The following TRPM8 variants were observed in gnomAD, a reference collection of about 807,000 sequenced individuals.
TRPM8 encodes the protein transient receptor potential cation channel subfamily M member 8.
TRPM8 carries 110 observed loss-of-function variants against 133.7 expected under a neutral mutation model. The ratio of observed to expected loss-of-function variants is 0.82; its 90% CI spans 0.70 to 0.96. TRPM8 has a LOEUF of 0.96. Among genes scored for constraint, TRPM8 ranks in the 40% least tolerant of loss-of-function variants. The probability of loss-of-function intolerance (pLI) is 0.00; values close to 1 mark genes in which losing one functional copy is unlikely to be tolerated. For synonymous variants in TRPM8, 535 were observed against 532.3 expected, an observed-to-expected ratio of 1.01 and a Z score of -0.07; for missense variants, 1,291 against 1,379.5, an observed-to-expected ratio of 0.94 and a Z score of 1.02.
At chr2:233,992,214 C>CT (rs967888976) in intron 21 of TRPM8, among the ~76,000 whole-genome samples, 5 of 150,934 alleles carry the variant, frequency 3.3e-5, no homozygotes, top group South Asian at 2.1e-4. Flanking sequence ...AATTACTTTT[C>CT]TTTTTTTTTC....
chr2:233,996,287 C>T (rs201002792), intron 21 of TRPM8, 39 bp from the exon 22 acceptor site: 254 of 1,593,384 alleles, frequency 1.6e-4, no homozygotes, highest in Admixed American at 1.0e-3. Flanking sequence ...ATGAGGCATG[C>T]GCAATGCTAA....
At chr2:233,976,477 C>T (rs549611103) in intron 17 of TRPM8, among the ~76,000 whole-genome samples, 3 of 152,106 alleles carry the variant, frequency 2.0e-5, no homozygotes, top group Admixed American at 2.0e-4. Context: ...TGGGAGTAGA[C>T]AGGGGCAGGT....
chr2:233,970,065 G>T (rs1691672381), intron 16 of TRPM8, 145 bp from the exon 17 acceptor site: 1 of 792,812 alleles, frequency 1.3e-6, no homozygotes, highest in Non-Finnish European at 2.2e-6. Flanking sequence ...TTTAATTGGG[G>T]TTGGTTCCAT....
In TRPM8 at chr2:233,985,688, G is replaced by T. The variant is rs767418913; in HGVS notation, c.2762G>T (p.Gly921Val). Reference sequence around the variant, plus strand: ...TGCCTGTTGGTTTCTACATCCTCAGGTACCACGTATGACTTTGCCCACTGC... The same window carrying T: ...TGCCTGTTGGTTTCTACATCCTCAGTTACCACGTATGACTTTGCCCACTGC... ...MFGQVPSDVDGTTYDFAHCTF... is the reference protein window; with the variant it reads ...MFGQVPSDVDVTTYDFAHCTF... Residue 921 changes from glycine to valine, a missense_variant and splice_region_variant, in exon 21 of 26, where the codon GGT becomes GTT. Coordinates refer to ENST00000324695, the MANE Select transcript of TRPM8 (RefSeq NM_024080.5). 16 of 1,613,300 alleles carry T rather than the reference G, an allele frequency of 9.9e-6. No homozygotes were observed. Among genetic ancestry groups the T allele is most frequent in the Non-Finnish European group, 1.4e-5 (16 of 1,179,550 alleles).
chr2:233,953,735 G>A (rs998571308), intron 9 of TRPM8, 182 bp from the exon 10 acceptor site: 35 of 515,776 alleles, frequency 6.8e-5, no homozygotes, highest in African/African-American at 4.1e-4. Context: ...TTTTTGATAC[G>A]TGTATAACCA....
At chr2:233,930,598 A>G in intron 2 of TRPM8, 70 bp from the exon 3 acceptor site, 2 of 1,012,078 alleles carry the variant, frequency 2.0e-6, no homozygotes, top group Middle Eastern at 2.1e-4. Flanking sequence ...CATCATATTT[A>G]GTATTCATCA....
chr2:234,007,088 C>T (rs189210837), intron 23 of TRPM8, 136 bp downstream of exon 23: 381 of 615,432 alleles, frequency 6.2e-4, no homozygotes, highest in East Asian at 1.2e-4. Flanking sequence ...AGATATTACC[C>T]GGGCAATTGA....
At position 233,942,834 on chromosome 2, in the gene TRPM8, T is replaced by C. The variant is rs1419976507; in HGVS notation, c.699+86T>C. 2.6e-6 allele frequency: 4 copies of C among 1,522,406 alleles called. No individual in the cohort carries two copies. In the Admixed American group the frequency reaches 6.7e-5, roughly 25 times the overall value. 94.3% of individuals were successfully genotyped at this position (1,522,406 alleles called of 1,614,324 possible). On this transcript the variant is annotated intron_variant, in intron 6 of 25. Transcript: ENST00000324695. ...CTGTGGCCTGAACCCTGGGGCTCTG[T>C]GATGGAGCCAGCCAGATCATGGGGA...
intron 14 of TRPM8, 135 bp downstream of exon 14, chr2:233,964,892 A>C: frequency 1.1e-6 from 1 of 870,006 alleles, no homozygotes; most frequent in Non-Finnish European, 1.6e-6. Context: ...AGGGCTGCAG[A>C]CCACAAGGTC....
At chr2:233,975,679 G>A (rs942501996) in intron 17 of TRPM8, among the ~76,000 whole-genome samples, 7 of 152,320 alleles carry the variant, frequency 4.6e-5, no homozygotes, top group Middle Eastern at 3.4e-3. Context: ...TCAGGAGTTC[G>A]AGACCAGCCT....
chr2:234,016,165 A>G (rs11563200), intron 25 of TRPM8, among the ~76,000 whole-genome samples: 45,414 of 152,016 alleles, frequency 0.3, 7,793 homozygotes, highest in East Asian at 0.54. Flanking sequence ...ATGAATGAAA[A>G]GGAACTAAGA....
chr2:234,007,752 A>G (rs1238103937), intron 23 of TRPM8, among the ~76,000 whole-genome samples: 1 of 152,196 alleles, frequency 6.6e-6, no homozygotes, highest in African/African-American at 2.4e-5. Flanking sequence ...ATGATGTCAT[A>G]AGCTCTCCTC....
chr2:233,929,007 TTA>T (rs760752477), intron 2 of TRPM8, among the ~76,000 whole-genome samples: 7,945 of 132,410 alleles, frequency 0.06, 271 homozygotes, highest in Middle Eastern at 0.11. Context: ...CTTTTTTTTT[TTA>T]TTTTTTTGCT....
intron 17 of TRPM8, among the ~76,000 whole-genome samples, chr2:233,973,701 G>A (rs1475077743): frequency 6.6e-6 from 1 of 152,180 alleles, no homozygotes; most frequent in Non-Finnish European, 1.5e-5. Context: ...CTTTCTCTTA[G>A]CTGCCATCCT....
chr2:233,948,170 A>G (rs1187628422), intron 8 of TRPM8, among the ~76,000 whole-genome samples: 2 of 152,252 alleles, frequency 1.3e-5, no homozygotes, highest in Non-Finnish European at 2.9e-5. Flanking sequence ...ATCTGGAATC[A>G]TCATCTAGTA....
At chr2:233,959,285 C>T (rs1287845743) in intron 11 of TRPM8, among the ~76,000 whole-genome samples, 1 of 150,506 alleles carries the variant, frequency 6.6e-6, no homozygotes, top group Non-Finnish European at 1.5e-5. Context: ...TTCAGCCTCC[C>T]AAAGTGCTGG....
intron 17 of TRPM8, among the ~76,000 whole-genome samples, chr2:233,972,239 G>A (rs1390503320): frequency 2.0e-5 from 3 of 152,172 alleles, no homozygotes; most frequent in Non-Finnish European, 2.9e-5. Context: ...TAGATACAGA[G>A]TGTCGACTGG....
chr2:233,981,698 T>A, intron 18 of TRPM8, 76 bp from the exon 19 acceptor site: 1 of 1,452,126 alleles, frequency 6.9e-7, no homozygotes, highest in Non-Finnish European at 9.3e-7. Flanking sequence ...TTCTTGAAAT[T>A]GGGTTATTTT....
chr2:233,972,665 C>T (rs950242423), intron 17 of TRPM8, among the ~76,000 whole-genome samples: 3 of 152,178 alleles, frequency 2.0e-5, no homozygotes, highest in Non-Finnish European at 2.9e-5. Flanking sequence ...GCCGGTGGGC[C>T]GGCACTGCTG....
Sources: allele counts gnomAD v4.1 joint callset (sites outside exome capture counted in the v4.1 genomes callset), GRCh38; gene constraint gnomAD v4.1.1; transcripts MANE v1.5; gene names NCBI Gene and HGNC (gene_info 2026-07-23, HGNC 2026-07-21).